ADGRL3: variants seen among roughly 807,000 people sequenced by gnomAD.
ADGRL3 encodes calcium-independent alpha-latrotoxin receptor 3.
ADGRL3 carries 62 observed loss-of-function variants against 153.5 expected under a neutral mutation model. The ratio of observed to expected loss-of-function variants is 0.40; its 90% CI spans 0.33 to 0.50. ADGRL3 has a LOEUF of 0.50. ADGRL3 is among the 20% of genes least tolerant of loss of function. The probability of loss-of-function intolerance (pLI) is 0.47; values close to 1 mark genes in which losing one functional copy is unlikely to be tolerated. For missense variants in ADGRL3, 1,641 were observed against 1,859.4 expected, an observed-to-expected ratio of 0.88 and a Z score of 2.16; for synonymous variants, 710 against 672.5, an observed-to-expected ratio of 1.06 and a Z score of -0.86.
rs941168178 is a variant in ADGRL3, at chr4:61,906,878, C to A, written c.1888-2682C>A. Among the ~76,000 whole-genome samples the A allele has an allele frequency of 2.1e-4, 32 of 152,116 alleles. No individual in the cohort carries two copies. In the South Asian group the frequency reaches 4.2e-3, roughly 20 times the overall value. On this transcript the variant is annotated intron_variant, in intron 11 of 26. Coordinates refer to ENST00000683033, the MANE Select transcript of ADGRL3 (RefSeq NM_001387552.1). ...CCAAGTAGATCATGATAATCGATAA[C>A]CTACCTATTTAAATAAGAGTTTTAG...
intron 1 of ADGRL3, among the ~76,000 whole-genome samples, chr4:61,364,816 G>T (rs2096365188): frequency 6.6e-6 from 1 of 152,176 alleles, no homozygotes. Flanking sequence ...TTACTGTAAT[G>T]TTGTTTGTGG....
At chr4:61,535,780 C>CT (rs1467200257) in intron 4 of ADGRL3, among the ~76,000 whole-genome samples, 5 of 151,624 alleles carry the variant, frequency 3.3e-5, no homozygotes, top group Admixed American at 1.3e-4. Context: ...TGGCATTGTG[C>CT]TTTTTTCCAT....
chr4:61,982,171 T>C (rs2099070685), intron 18 of ADGRL3, among the ~76,000 whole-genome samples: 1 of 152,202 alleles, frequency 6.6e-6, no homozygotes, highest in Non-Finnish European at 1.5e-5. Context: ...TTATTTTTGT[T>C]TCCTGATGTT....
intron 2 of ADGRL3, among the ~76,000 whole-genome samples, chr4:61,428,487 G>A (rs186623813): frequency 1.7e-4 from 26 of 152,128 alleles, no homozygotes; most frequent in Non-Finnish European, 3.1e-4. Context: ...AGTTTCAAAG[G>A]CTACCAAAAT....
At chr4:61,669,592 G>A (rs2094922505) in intron 5 of ADGRL3, among the ~76,000 whole-genome samples, 1 of 152,026 alleles carries the variant, frequency 6.6e-6, no homozygotes, top group Non-Finnish European at 1.5e-5. Flanking sequence ...TTTTTCTCTT[G>A]GAGAATAATT....
chr4:61,359,189 C>A (rs1357771305), intron 1 of ADGRL3, among the ~76,000 whole-genome samples: 1 of 152,146 alleles, frequency 6.6e-6, no homozygotes, highest in African/African-American at 2.4e-5. Flanking sequence ...ACTTTGCAAC[C>A]AAACGACCCT....
chr4:61,402,337 T>G (rs1238824425), intron 2 of ADGRL3, among the ~76,000 whole-genome samples: 3 of 152,144 alleles, frequency 2.0e-5, no homozygotes, highest in African/African-American at 7.2e-5. Context: ...TTTTTAAAAA[T>G]TATTCTTTGC....
intron 19 of ADGRL3, among the ~76,000 whole-genome samples, chr4:61,985,802 A>G (rs929127632): frequency 6.6e-6 from 1 of 152,054 alleles, no homozygotes; most frequent in Non-Finnish European, 1.5e-5. Flanking sequence ...ATTTGTCTAA[A>G]TATGCCAATA....
At chr4:61,303,675 G>A (rs1231034368) in intron 1 of ADGRL3, among the ~76,000 whole-genome samples, 1 of 152,108 alleles carries the variant, frequency 6.6e-6, no homozygotes, top group African/African-American at 2.4e-5. Context: ...TTAAGTGTCT[G>A]AAAAGTGGGA....
intron 19 of ADGRL3, among the ~76,000 whole-genome samples, chr4:61,984,295 G>C (rs2099078246): frequency 6.6e-6 from 1 of 152,038 alleles, no homozygotes; most frequent in African/African-American, 2.4e-5. Context: ...TTTAGAACTA[G>C]ACCCAGGACT....
chr4:61,224,984 G>A (rs1747285089), intron 1 of ADGRL3, among the ~76,000 whole-genome samples: 1 of 152,176 alleles, frequency 6.6e-6, no homozygotes, highest in Admixed American at 6.5e-5. Flanking sequence ...GAGCATTGTG[G>A]AGAATGGGGA....
At chr4:61,413,074 G>T (rs998427217) in intron 2 of ADGRL3, among the ~76,000 whole-genome samples, 8 of 152,142 alleles carry the variant, frequency 5.3e-5, no homozygotes, top group African/African-American at 1.9e-4. Context: ...TTTCTCACAG[G>T]AAGGTTAGTT....
chr4:61,463,500 C>T (rs916524960), intron 2 of ADGRL3, among the ~76,000 whole-genome samples: 5 of 152,120 alleles, frequency 3.3e-5, no homozygotes, highest in Non-Finnish European at 5.9e-5. Context: ...GGGAAATCTG[C>T]CCCATGATCC....
intron 8 of ADGRL3, among the ~76,000 whole-genome samples, chr4:61,745,036 G>T (rs2096636742): frequency 6.6e-6 from 1 of 152,194 alleles, no homozygotes; most frequent in Non-Finnish European, 1.5e-5. Flanking sequence ...TGATGGAGCT[G>T]AGAACCAAGA....
intron 24 of ADGRL3, among the ~76,000 whole-genome samples, 191 bp downstream of exon 24, chr4:62,038,047 T>C (rs1005048530): frequency 1.3e-5 from 2 of 152,156 alleles, no homozygotes; most frequent in Non-Finnish European, 2.9e-5. Flanking sequence ...GAAATTTGAG[T>C]CTGCAAATTT....
intron 5 of ADGRL3, among the ~76,000 whole-genome samples, chr4:61,617,704 A>G (rs2092155408): frequency 6.6e-6 from 1 of 152,208 alleles, no homozygotes; most frequent in Non-Finnish European, 1.5e-5. Context: ...TGTTTCTTGC[A>G]CAGTAGCTCT....
chr4:61,384,954 G>C (rs2096719379), intron 2 of ADGRL3, among the ~76,000 whole-genome samples: 1 of 151,788 alleles, frequency 6.6e-6, no homozygotes, highest in African/African-American at 2.4e-5. Context: ...TTCCTTTTGG[G>C]GAAATAAAAA....
At chr4:62,053,045 C>T (rs1376438274) in intron 25 of ADGRL3, among the ~76,000 whole-genome samples, 1 of 151,182 alleles carries the variant, frequency 6.6e-6, no homozygotes, top group South Asian at 2.1e-4. Context: ...AATGTTCCTG[C>T]TAATATTGTA....
rs192241618 is a variant in ADGRL3 at position 62,052,118 on chromosome 4, A to G, written c.3814+7569A>G. Reference sequence around the variant, plus strand: ...AAGACACTGAGTTTCTTGGTAGTCAAAGTAACTTGTCCAAGATCACATGAC... The same window carrying G: ...AAGACACTGAGTTTCTTGGTAGTCAGAGTAACTTGTCCAAGATCACATGAC... On this transcript the variant is annotated intron_variant, in intron 25 of 26. Coordinates refer to ENST00000683033, the MANE Select transcript of ADGRL3 (RefSeq NM_001387552.1). Among the ~76,000 whole-genome samples the G allele has an allele frequency of 4.0e-4, 60 of 151,706 alleles. 1 individual carries two copies. Among genetic ancestry groups the G allele is most frequent in the Non-Finnish European group, 1.6e-4 (11 of 67,602 alleles).
Sources: gnomAD v4.1 joint callset for allele counts (sites outside exome capture counted in the v4.1 genomes callset) on GRCh38, gnomAD v4.1.1 for gene constraint, MANE v1.5 for transcripts, NCBI Gene and HGNC (gene_info 2026-07-23, HGNC 2026-07-21) for gene names.